TIAM2: variants seen among roughly 807,000 people sequenced by gnomAD.
TIAM2 encodes TIAM Rac1 associated GEF 2.
In TIAM2, 80 loss-of-function variants were observed where a neutral mutation model predicts 152.9. The observed-to-expected ratio is 0.52, with a 90% confidence interval of 0.44 to 0.63. The LOEUF is 0.63. Among genes scored for constraint, TIAM2 ranks in the 30% least tolerant of loss-of-function variants. The pLI, the probability that TIAM2 is intolerant of heterozygous loss-of-function variation, is 0.00. For missense variants in TIAM2, 1,965 were observed against 2,120.1 expected, an observed-to-expected ratio of 0.93 and a Z score of 1.44; for synonymous variants, 804 against 838.0, an observed-to-expected ratio of 0.96 and a Z score of 0.70.
rs200028826 is a variant in TIAM2, at chr6:155,019,594, C to T, written c.-209+24102C>T. Reference sequence around the variant, plus strand: ...GGGACTGCTGTGGTTCCTTTTCTCCCCAAATACGGCTTTTTGTTGTAGAAT... The same window carrying T: ...GGGACTGCTGTGGTTCCTTTTCTCCTCAAATACGGCTTTTTGTTGTAGAAT... On this transcript the variant is annotated intron_variant, in intron 1 of 26. Transcript: ENST00000682666. Among the ~76,000 whole-genome samples, 15 of 152,310 alleles carry T rather than the reference C, an allele frequency of 9.8e-5. No individual in the cohort carries two copies. In the East Asian group the frequency reaches 2.9e-3, roughly 29 times the overall value.
At chr6:155,004,310 G>A (rs12216118) in intron 1 of TIAM2, among the ~76,000 whole-genome samples, 20,851 of 152,230 alleles carry the variant, frequency 0.14, 1,451 homozygotes, top group Middle Eastern at 0.19. Context: ...GCCTCAGTAA[G>A]TCAGAGTAGT....
intron 1 of TIAM2, among the ~76,000 whole-genome samples, chr6:155,018,163 A>G (rs1459938539): frequency 1.3e-5 from 2 of 151,616 alleles, no homozygotes; most frequent in African/African-American, 4.8e-5. Context: ...ACTTGAGCCC[A>G]TGAGTTCAAG....
At chr6:155,119,314 C>G (rs4870358) in intron 2 of TIAM2, among the ~76,000 whole-genome samples, 6,364 of 151,786 alleles carry the variant, frequency 0.042, 175 homozygotes, top group Middle Eastern at 0.092. Flanking sequence ...GGATTACAGG[C>G]GTGAGCCACT....
rs780646763 is a variant in TIAM2, at chr6:155,256,616, C to A, written c.4601C>A (p.Thr1534Lys). ...GGCACCCAGAGCAGCGGCTGCCCCA[C>A]GGCTGAGGGCAGGCAGGACTCCAAG... ...SSGTQSSGCPTAEGRQDSKST... is the reference protein window; with the variant it reads ...SSGTQSSGCPKAEGRQDSKST... The change falls in exon 27 of 27, where the codon ACG becomes AAG. Residue 1534 changes from threonine to lysine, a missense_variant. Physicochemically the swap from Thr to Lys is moderately conservative, Grantham distance 78. Around this residue, in one of 3 missense-constraint regions of TIAM2, gnomAD observed 935 missense variants for 980.0 expected, o/e 0.95. Transcript: ENST00000682666. 14 of 1,614,008 alleles carry A rather than the reference C, an allele frequency of 8.7e-6. No individual in the cohort carries two copies. The highest frequency in any genetic ancestry group is 1.2e-5 in the Non-Finnish European group (14 of 1,180,030).
chr6:155,231,920 A>C (rs1282457531), intron 15 of TIAM2, among the ~76,000 whole-genome samples: 1 of 152,228 alleles, frequency 6.6e-6, no homozygotes, highest in East Asian at 1.9e-4. Flanking sequence ...GTCTCTACTA[A>C]AAATACAAAG....
At chr6:155,250,014 G>T in intron 21 of TIAM2, 45 bp downstream of exon 21, 2 of 1,454,500 alleles carry the variant, frequency 1.4e-6, no homozygotes, top group South Asian at 1.2e-5. Context: ...CATGTGGTGT[G>T]GGGTCTGTAG....
chr6:155,164,133 G>GTTTTTTTTTTTTTTTTTTTTT lies in TIAM2; in HGVS notation c.2029-270_2029-269insTTTTTTTTTTTTTTTTTTTTT, dbSNP rs375238178. On this transcript the variant is annotated intron_variant, in intron 7 of 26. Transcript: ENST00000682666. ...TGGCACCACACCAGCTAATTTTTGT[G>GTTTTTTTTTTTTTTTTTTTTT]TTTTTTTTTTTTCTTTTTTTTAGTA... Among the ~76,000 whole-genome samples the GTTTTTTTTTTTTTTTTTTTTT allele has an allele frequency of 5.1e-5, 6 of 118,054 alleles. 1 individual carries two copies. The highest frequency in any genetic ancestry group is 3.2e-4 in the South Asian group (1 of 3,160). The allele number at this position is 118,054 out of a possible 152,430, so 77.4% of individuals were successfully genotyped here.
intron 4 of TIAM2, among the ~76,000 whole-genome samples, 161 bp from the exon 5 acceptor site, chr6:155,137,016 C>G (rs1779570052): frequency 2.0e-5 from 3 of 152,188 alleles, no homozygotes; most frequent in Admixed American, 2.0e-4. Flanking sequence ...AAAATTCTTT[C>G]TGGTATGAAG....
intron 15 of TIAM2, among the ~76,000 whole-genome samples, chr6:155,220,529 G>A (rs1053303791): frequency 6.6e-6 from 1 of 152,174 alleles, no homozygotes; most frequent in African/African-American, 2.4e-5. Context: ...ATGGCACCTA[G>A]CACACAGTGA....
At chr6:155,234,092 TAAAG>T (rs1328660003) in intron 15 of TIAM2, among the ~76,000 whole-genome samples, 2 of 152,154 alleles carry the variant, frequency 1.3e-5, no homozygotes, top group South Asian at 2.1e-4. Context: ...TATGACTTCT[TAAAG>T]AAAATATTGG....
In TIAM2 at chr6:155,217,695, G is replaced by A. The variant is rs549681630; in HGVS notation, c.3168+6388G>A. Reference sequence around the variant, plus strand: ...CGCTTTGGCAGGGATTATTTTTGCCGTTTGTAGGCGTTGTGTTGATAGAAC... The same window carrying A: ...CGCTTTGGCAGGGATTATTTTTGCCATTTGTAGGCGTTGTGTTGATAGAAC... On this transcript the variant is annotated intron_variant, in intron 15 of 26. Coordinates refer to ENST00000682666, the MANE Select transcript of TIAM2 (RefSeq NM_012454.4). 9.2e-5 allele frequency among the ~76,000 whole-genome samples: 14 copies of A among 152,320 alleles called. No individual in the cohort carries two copies. The South Asian group carries it at 1.0e-3, about 11-fold the overall frequency.
chr6:155,163,350 A>G (rs1375009299), intron 7 of TIAM2, among the ~76,000 whole-genome samples: 1 of 152,232 alleles, frequency 6.6e-6, no homozygotes, highest in Non-Finnish European at 1.5e-5. Context: ...GGCAAGTCAC[A>G]AGAGCCTCTC....
intron 2 of TIAM2, among the ~76,000 whole-genome samples, chr6:155,121,333 A>T (rs952673840): frequency 6.6e-6 from 1 of 152,094 alleles, no homozygotes; most frequent in African/African-American, 2.4e-5. Context: ...TAATAATAGT[A>T]CTCTGTTGCA....
At chr6:155,107,430 T>G (rs925961198) in intron 2 of TIAM2, among the ~76,000 whole-genome samples, 47 of 152,226 alleles carry the variant, frequency 3.1e-4, no homozygotes, top group African/African-American at 1.1e-3. Flanking sequence ...CTCCAAAATT[T>G]GTACGTATTG....
chr6:155,023,170 T>C (rs1489747064), intron 1 of TIAM2, among the ~76,000 whole-genome samples: 4 of 152,106 alleles, frequency 2.6e-5, no homozygotes, highest in Non-Finnish European at 1.5e-5. Context: ...TTGACTTGGA[T>C]TTACTTACAG....
rs1776760480 is a variant in TIAM2 at position 155,029,470 on chromosome 6, ACTATAGT to A, written c.-209+33979_-209+33985del. ...ATAGTATATATTATATATAATATAT[ACTATAGT>A]ATATATACTATAGTATATATTATAT... On this transcript the variant is annotated intron_variant, in intron 1 of 26. Coordinates refer to ENST00000682666, the MANE Select transcript of TIAM2 (RefSeq NM_012454.4). Among the ~76,000 whole-genome samples the A allele has an allele frequency of 3.1e-4, 15 of 48,250 alleles. 4 individuals carry two copies. Among genetic ancestry groups the A allele is most frequent in the African/African-American group, 1.6e-3 (15 of 9,394 alleles). The allele number at this position is 48,250 out of a possible 152,430, so 31.7% of individuals were successfully genotyped here.
At chr6:155,123,712 G>T (rs986806610) in intron 2 of TIAM2, among the ~76,000 whole-genome samples, 1 of 152,136 alleles carries the variant, frequency 6.6e-6, no homozygotes, top group Non-Finnish European at 1.5e-5. Context: ...AGTTTTGTCC[G>T]CTGGTTTTGG....
intron 14 of TIAM2, among the ~76,000 whole-genome samples, chr6:155,207,138 A>G (rs946040667): frequency 1.3e-5 from 2 of 152,186 alleles, no homozygotes; most frequent in Non-Finnish European, 2.9e-5. Flanking sequence ...GGCAGAATAT[A>G]AGGGGGCTAT....
intron 1 of TIAM2, among the ~76,000 whole-genome samples, chr6:155,028,304 T>C (rs1304711393): frequency 8.1e-6 from 1 of 122,974 alleles, no homozygotes; most frequent in Non-Finnish European, 1.7e-5. Flanking sequence ...ATACTACATA[T>C]ATGTACTGTG....
Sources: gnomAD v4.1 joint callset for allele counts (sites outside exome capture counted in the v4.1 genomes callset) on GRCh38, gnomAD v4.1.1 for gene constraint, gnomAD v4.1.1 regional missense constraint, MANE v1.5 for transcripts, NCBI Gene and HGNC (gene_info 2026-07-23, HGNC 2026-07-21) for gene names.